Variants in DLG1 observed in about 807,000 individuals in gnomAD.
The protein encoded by DLG1 is disks large homolog 1.
Under a neutral mutation model 123.4 loss-of-function variants are expected in DLG1, and 42 were observed. That is an observed-to-expected ratio of 0.34 (90% CI 0.27 to 0.44). The LOEUF (loss-of-function observed/expected upper bound fraction) is 0.44. Ranked by LOEUF, DLG1 falls within the 20% of genes least tolerant of loss-of-function variation. The probability of loss-of-function intolerance (pLI) is 1.00; values close to 1 mark genes in which losing one functional copy is unlikely to be tolerated. For missense variants in DLG1, 942 were observed against 1,082.6 expected (o/e 0.87, Z 1.82); for synonymous variants, 317 against 356.2 (o/e 0.89, Z 1.24).
intron 3 of DLG1, among the ~76,000 whole-genome samples, chr3:197,283,433 A>G (rs556279429): frequency 2.0e-5 from 3 of 152,358 alleles, no homozygotes; most frequent in African/African-American, 7.2e-5. Context: ...AATATTTTAT[A>G]ATAGTAAATT....
At chr3:197,101,805 A>T (rs1298867982) in intron 14 of DLG1, among the ~76,000 whole-genome samples, 1 of 148,114 alleles carries the variant, frequency 6.8e-6, no homozygotes, top group Admixed American at 6.7e-5. Context: ...TTTTATTTTT[A>T]TTTTGAGACG....
intron 16 of DLG1, among the ~76,000 whole-genome samples, chr3:197,083,982 T>A (rs911155817): frequency 2.6e-5 from 4 of 151,724 alleles, no homozygotes; most frequent in Non-Finnish European, 5.9e-5. Context: ...CTTAAAAAAA[T>A]CAATCTACCT....
intron 11 of DLG1, among the ~76,000 whole-genome samples, chr3:197,124,532 A>T (rs779973924): frequency 4.6e-5 from 7 of 151,842 alleles, no homozygotes; most frequent in Non-Finnish European, 8.8e-5. Context: ...CCTCGGCCTC[A>T]CAAAGTGCTG....
At chr3:197,216,807 G>C (rs1734342575) in intron 4 of DLG1, among the ~76,000 whole-genome samples, 1 of 152,196 alleles carries the variant, frequency 6.6e-6, no homozygotes, top group Non-Finnish European at 1.5e-5. Context: ...TTTTCAAAGA[G>C]AGCAGTTTAG....
At chr3:197,167,273 A>C (rs1411594203) in intron 5 of DLG1, among the ~76,000 whole-genome samples, 1 of 152,238 alleles carries the variant, frequency 6.6e-6, no homozygotes, top group Non-Finnish European at 1.5e-5. Flanking sequence ...TTTGGCAGCC[A>C]TCATAGTAAT....
At chr3:197,047,674 T>C (rs947579650) in intron 24 of DLG1, among the ~76,000 whole-genome samples, 12 of 151,648 alleles carry the variant, frequency 7.9e-5, no homozygotes, top group Admixed American at 2.0e-4. Flanking sequence ...GACTACACAA[T>C]AGGGAAAGGC....
intron 4 of DLG1, among the ~76,000 whole-genome samples, chr3:197,207,142 CCTTTACGCAAAGTTTGCTCTTTGCT>C (rs1166315510): frequency 3.3e-5 from 5 of 152,188 alleles, no homozygotes; most frequent in Admixed American, 1.3e-4. Context: ...ACTATCTGGT[CCTTTACGCAAAGTTTGCTCTTTGCT>C]CTTTACGCAA....
intron 5 of DLG1, among the ~76,000 whole-genome samples, chr3:197,194,142 T>C (rs1401975676): frequency 1.3e-5 from 2 of 152,180 alleles, no homozygotes; most frequent in Admixed American, 1.3e-4. Flanking sequence ...TGTCTGAAAA[T>C]ATTTCAGTGT....
At chr3:197,082,483 C>T (rs958731651) in intron 16 of DLG1, among the ~76,000 whole-genome samples, 1 of 152,132 alleles carries the variant, frequency 6.6e-6, no homozygotes, top group Non-Finnish European at 1.5e-5. Flanking sequence ...ATCAACAGCA[C>T]CACAAAACTA....
At chr3:197,053,751 G>T (rs960989994) in intron 23 of DLG1, among the ~76,000 whole-genome samples, 1 of 146,276 alleles carries the variant, frequency 6.8e-6, no homozygotes, top group African/African-American at 2.6e-5. Context: ...TCCAGCCTGG[G>T]AGACAGAGTA....
intron 10 of DLG1, among the ~76,000 whole-genome samples, chr3:197,131,223 TCTC>T (rs756231422): frequency 1.3e-5 from 2 of 152,168 alleles, no homozygotes; most frequent in African/African-American, 2.4e-5. Context: ...TTTAAATTGT[TCTC>T]CTAAATGGTT....
At chr3:197,167,225 C>T (rs1250980573) in intron 5 of DLG1, among the ~76,000 whole-genome samples, 1 of 151,988 alleles carries the variant, frequency 6.6e-6, no homozygotes, top group Non-Finnish European at 1.5e-5. Flanking sequence ...CAACAAAATG[C>T]TAACTAAAAA....
In DLG1 at chr3:197,085,594, A is replaced by C. The variant is rs2149109894; in HGVS notation, c.1824T>G (p.Ile608Met). 1 of 1,614,012 alleles carries C rather than the reference A, an allele frequency of 6.2e-7. No individual in the cohort carries two copies. Among genetic ancestry groups the C allele is most frequent in the South Asian group, 1.1e-5 (1 of 91,078 alleles). ...PDGESDEVGV[I>M]PSKRRVEKKE... ...AACAGGCATACCTGCGTTTACTGGG[A>C]ATCACTCCGACCTCATCGCTCTCAC... Residue 608 changes from isoleucine to methionine, a missense_variant, in exon 16 of 25, where the codon ATT (isoleucine) becomes ATG (methionine). Physicochemically the swap from Ile to Met is conservative, Grantham distance 10. Transcript: ENST00000667157.
chr3:197,272,427 A>ACT (rs1579116866), intron 4 of DLG1, among the ~76,000 whole-genome samples: 1 of 151,988 alleles, frequency 6.6e-6, no homozygotes, highest in East Asian at 1.9e-4. Context: ...TTAATATGTC[A>ACT]CTCACAAAGT....
intron 14 of DLG1, among the ~76,000 whole-genome samples, chr3:197,093,385 T>C (rs1336540609): frequency 1.3e-5 from 2 of 152,116 alleles, no homozygotes; most frequent in Non-Finnish European, 2.9e-5. Context: ...TCTCAATCTC[T>C]TGACCTCGTA....
intron 4 of DLG1, among the ~76,000 whole-genome samples, chr3:197,245,982 C>G (rs899021167): frequency 2.7e-5 from 4 of 150,430 alleles, no homozygotes; most frequent in African/African-American, 9.8e-5. Context: ...GCCCTTGCTA[C>G]TGATGAGACT....
chr3:197,272,356 A>G (rs529518557), intron 4 of DLG1, among the ~76,000 whole-genome samples: 1 of 152,228 alleles, frequency 6.6e-6, no homozygotes, highest in Admixed American at 6.5e-5. Flanking sequence ...CTCTAAGGAA[A>G]AAAAAAAGAA....
At chr3:197,148,929 C>T (rs993218471) in intron 6 of DLG1, among the ~76,000 whole-genome samples, 1 of 152,192 alleles carries the variant, frequency 6.6e-6, no homozygotes, top group Non-Finnish European at 1.5e-5. Flanking sequence ...CTGTCACCAG[C>T]AGAATGTACT....
At chr3:197,274,949 C>T (rs1765683628) in intron 4 of DLG1, among the ~76,000 whole-genome samples, 1 of 152,136 alleles carries the variant, frequency 6.6e-6, no homozygotes, top group South Asian at 2.1e-4. Flanking sequence ...ACATGGGAGG[C>T]CGAGGCAGGC....
Sources: gnomAD v4.1 joint callset for allele counts (sites outside exome capture counted in the v4.1 genomes callset) on GRCh38, gnomAD v4.1.1 for gene constraint, MANE v1.5 for transcripts, NCBI Gene and HGNC (gene_info 2026-07-23, HGNC 2026-07-21) for gene names.